Variants in MAML2 observed in about 807,000 individuals in gnomAD.
MAML2 encodes the protein mastermind-like protein 2.
In MAML2, 22 loss-of-function variants were observed where a neutral mutation model predicts 96.1. The observed-to-expected ratio is 0.23, with a 90% CI of 0.16 to 0.33. The LOEUF is 0.33. MAML2 is among the 10% of genes least tolerant of loss of function. The pLI, the probability that MAML2 is intolerant of heterozygous loss-of-function variation, is 1.00. For synonymous variants in MAML2, 561 were observed against 521.3 expected, an observed-to-expected ratio of 1.08 and a Z score of -1.04; for missense variants, 1,367 against 1,392.4, an observed-to-expected ratio of 0.98 and a Z score of 0.29.
intron 1 of MAML2, among the ~76,000 whole-genome samples, chr11:96,217,301 G>A (rs934061426): frequency 2.6e-5 from 4 of 152,198 alleles, no homozygotes; most frequent in Non-Finnish European, 4.4e-5. Flanking sequence ...CTGCACAAGC[G>A]CAAATGCACT....
At chr11:96,279,778 G>A (rs1166956065) in intron 1 of MAML2, among the ~76,000 whole-genome samples, 2 of 152,210 alleles carry the variant, frequency 1.3e-5, no homozygotes, top group African/African-American at 2.4e-5. Context: ...ACCCTCCTGA[G>A]AGAAGAGCAG....
intron 2 of MAML2, among the ~76,000 whole-genome samples, chr11:96,019,115 T>C (rs1858398970): frequency 6.6e-6 from 1 of 152,162 alleles, no homozygotes; most frequent in Non-Finnish European, 1.5e-5. Context: ...GTTTTTTGTT[T>C]ATTTTGTTTG....
intron 1 of MAML2, among the ~76,000 whole-genome samples, chr11:96,252,172 T>TACA (rs1333313977): frequency 2.6e-5 from 4 of 151,076 alleles, no homozygotes; most frequent in African/African-American, 9.7e-5. Flanking sequence ...CTTCTCTCTC[T>TACA]CTACACACAC....
intron 1 of MAML2, among the ~76,000 whole-genome samples, chr11:96,240,467 G>A (rs1267724066): frequency 7.0e-6 from 1 of 142,948 alleles, no homozygotes; most frequent in African/African-American, 2.5e-5. Flanking sequence ...GGAGAATGGC[G>A]TGAACCCCGG....
chr11:96,092,870 A>T lies in MAML2; in HGVS notation c.1161T>A (p.Ala387=). 1 of 1,606,344 alleles carries T rather than the reference A, an allele frequency of 6.2e-7. No homozygotes were observed. Among genetic ancestry groups the T allele is most frequent in the Non-Finnish European group, 8.5e-7 (1 of 1,175,764 alleles). Residue 387 remains alanine, a synonymous_variant, in exon 2 of 5, where the codon GCT becomes GCA. Coordinates refer to ENST00000524717, the MANE Select transcript of MAML2 (RefSeq NM_032427.4). This position sits in a 1 kb window ranked among gnomAD's most constrained non-coding sequence, Gnocchi z 4.1. The stretch of plus-strand genomic sequence containing the variant: ...AGTTGGCCATGGAGAATGCGGGGCC[A>T]GCTGATGGGGGCCTCAGCTGAGGAG... ...SGSPQLRPPS[A]GPAFSMANSA...
chr11:96,092,261 T>C lies in MAML2; in HGVS notation c.1770A>G (p.Gln590=), dbSNP rs775577091. The change falls in exon 2 of 5, where the codon CAA becomes CAG. Residue 590 remains glutamine (Q), a synonymous_variant. Coordinates refer to ENST00000524717, the MANE Select transcript of MAML2 (RefSeq NM_032427.4). The surrounding 1 kb of genome is among the most constrained non-coding windows in gnomAD (Gnocchi z 4.1). ...GCTGCTGCTGCTGCTGTTGCTGCTG[T>C]TGCTGTTGGGTGTAGTGTAGGAGAG... ...KPSLLHYTQQ[Q]QQQQQQQQQQ... is the part of the protein sequence containing the mutation. 17 of 1,514,120 alleles carry C rather than the reference T, an allele frequency of 1.1e-5. No individual in the cohort carries two copies. Among genetic ancestry groups the C allele is most frequent in the Non-Finnish European group, 1.3e-5 (15 of 1,117,304 alleles). 93.8% of individuals were successfully genotyped at this position (1,514,120 alleles called of 1,614,324 possible). A position where few individuals can be genotyped will look rare whatever the true frequency, so the allele number is the denominator to read the frequency against.
chr11:96,133,814 T>C (rs1449686798), intron 1 of MAML2, among the ~76,000 whole-genome samples: 1 of 152,036 alleles, frequency 6.6e-6, no homozygotes, highest in African/African-American at 2.4e-5. Flanking sequence ...GGCAACATGG[T>C]GAAACCCTGT....
Position 95,979,014 on chromosome 11 carries a change from T to G in MAML2, c.3405A>C (p.Thr1135=). The G allele has an allele frequency of 6.2e-7, 1 of 1,613,978 alleles. No homozygotes were observed. Among genetic ancestry groups the G allele is most frequent in the Non-Finnish European group, 8.5e-7 (1 of 1,179,882 alleles). The change falls in exon 5 of 5, where the codon ACA becomes ACC. Residue 1135 remains threonine (T), a synonymous_variant. Coordinates refer to ENST00000524717, the MANE Select transcript of MAML2 (RefSeq NM_032427.4). ...DADFIDSLLK[T]EPGNDDWMKD... is the part of the protein sequence containing the mutation. ...TCATCCAGTCATCATTACCAGGCTCTGTCTTCAATAAAGAATCAATGAAAT... is the reference window on the plus strand; with the variant it reads ...TCATCCAGTCATCATTACCAGGCTCGGTCTTCAATAAAGAATCAATGAAAT...
At chr11:96,195,565 T>C (rs1439733025) in intron 1 of MAML2, among the ~76,000 whole-genome samples, 1 of 152,184 alleles carries the variant, frequency 6.6e-6, no homozygotes, top group African/African-American at 2.4e-5. Flanking sequence ...CAAGAAAATA[T>C]TGACTCAATC....
chr11:96,230,153 A>G (rs1862272490), intron 1 of MAML2, among the ~76,000 whole-genome samples: 1 of 152,184 alleles, frequency 6.6e-6, no homozygotes, highest in Non-Finnish European at 1.5e-5. Context: ...ATCCTGAGCT[A>G]TTTAGAATAT....
intron 2 of MAML2, among the ~76,000 whole-genome samples, chr11:96,010,541 T>G (rs1205362649): frequency 6.6e-6 from 1 of 152,200 alleles, no homozygotes; most frequent in African/African-American, 2.4e-5. Flanking sequence ...TTTAGATTTC[T>G]TGAGGTACAA....
rs1229376950 is a variant in MAML2, at chr11:96,342,588, C to CT, written c.-694dup. 9.1e-5 allele frequency: 36 copies of CT among 394,742 alleles called. No individual in the cohort carries two copies. Among genetic ancestry groups the CT allele is most frequent in the African/African-American group, 7.2e-4 (35 of 48,566 alleles). 24.5% of individuals were successfully genotyped at this position (394,742 alleles called of 1,614,324 possible). On this transcript the variant is annotated 5_prime_UTR_variant, in exon 1 of 5. Coordinates refer to ENST00000524717, the MANE Select transcript of MAML2 (RefSeq NM_032427.4). ...TCCTTTCGCTCCGGTGTTTTCTCCT[C>CT]TTTGGGGTACTGTAGGATGTTGTCT...
chr11:96,312,219 C>CAAAAAAAAAAAAAAAAAAAAAAAAAAAA (rs34658278), intron 1 of MAML2, among the ~76,000 whole-genome samples: 2 of 51,560 alleles, frequency 3.9e-5, no homozygotes, highest in Non-Finnish European at 6.4e-5. Context: ...GACTCTATCT[C>CAAAAAAAAAAAAAAAAAAAAAAAAAAAA]AAAAAAAAAA....
intron 1 of MAML2, among the ~76,000 whole-genome samples, chr11:96,321,700 G>T (rs1282545833): frequency 1.3e-5 from 2 of 152,194 alleles, no homozygotes; most frequent in Non-Finnish European, 2.9e-5. Flanking sequence ...GATTTACTCA[G>T]TATACTAGAC....
chr11:96,046,664 G>A (rs1590980089), intron 2 of MAML2, among the ~76,000 whole-genome samples: 1 of 152,268 alleles, frequency 6.6e-6, no homozygotes. Context: ...ACAGAGCAAA[G>A]GCCCAGGAAG....
rs553430622 is a variant in MAML2 at position 96,154,166 on chromosome 11, C to G, written c.514-60649G>C. 3.9e-5 allele frequency among the ~76,000 whole-genome samples: 6 copies of G among 152,170 alleles called. No homozygotes were observed. In the South Asian group the frequency reaches 1.2e-3, roughly 32 times the overall value. ...CTTTAACAAAGAATTACCTAGAGAG[C>G]TTGTTAAAAATAGATTCCTGGACCC... On this transcript the variant is annotated intron_variant, in intron 1 of 4. Coordinates refer to ENST00000524717, the MANE Select transcript of MAML2 (RefSeq NM_032427.4).
At chr11:96,249,047 T>A (rs1254522492) in intron 1 of MAML2, among the ~76,000 whole-genome samples, 1 of 152,238 alleles carries the variant, frequency 6.6e-6, no homozygotes, top group Non-Finnish European at 1.5e-5. Flanking sequence ...CACCACTGAT[T>A]GAAAGTCACC....
At chr11:96,315,406 C>T (rs1217020949) in intron 1 of MAML2, among the ~76,000 whole-genome samples, 3 of 152,182 alleles carry the variant, frequency 2.0e-5, no homozygotes, top group Non-Finnish European at 2.9e-5. Context: ...TTCATTCAAG[C>T]TACTACCTCT....
intron 1 of MAML2, among the ~76,000 whole-genome samples, chr11:96,094,760 A>G (rs1859796688): frequency 6.6e-6 from 1 of 152,194 alleles, no homozygotes; most frequent in Non-Finnish European, 1.5e-5. Context: ...AGTGCTGCAG[A>G]CCCACTGAAA....
Sources: allele counts gnomAD v4.1 joint callset (sites outside exome capture counted in the v4.1 genomes callset), GRCh38; gene constraint gnomAD v4.1.1; non-coding constraint Gnocchi (gnomAD v3.1); transcripts MANE v1.5; gene names NCBI Gene and HGNC (gene_info 2026-07-23, HGNC 2026-07-21).